Variants in PDE7B observed in about 807,000 individuals in gnomAD.
The protein encoded by PDE7B is 3',5'-cyclic-AMP phosphodiesterase 7B.
PDE7B carries 29 observed loss-of-function variants against 56.2 expected under a neutral mutation model. The ratio of observed to expected loss-of-function variants is 0.52; its 90% confidence interval spans 0.38 to 0.70. The LOEUF is 0.70. Among genes scored for constraint, PDE7B ranks in the 30% least tolerant of loss-of-function variants. The pLI, the probability that PDE7B is intolerant of heterozygous loss-of-function variation, is 0.00. For synonymous variants in PDE7B, 197 were observed against 196.9 expected (o/e 1.00, Z 0.00); for missense variants, 490 against 565.0 (o/e 0.87, Z 1.35).
intron 2 of PDE7B, among the ~76,000 whole-genome samples, chr6:135,957,636 C>T (rs979919238): frequency 3.9e-5 from 6 of 152,068 alleles, no homozygotes; most frequent in African/African-American, 7.2e-5. Context: ...CTGCACATTC[C>T]GGGTAATAGG....
intron 2 of PDE7B, chr6:136,038,214 A>ACAGCAGCAGCAGCAACAGCAGCAG: frequency 3.1e-6 from 4 of 1,299,232 alleles, no homozygotes; most frequent in Non-Finnish European, 4.0e-6. Context: ...AGAAGCAGAA[A>ACAGCAGCAGCAGCAACAGCAGCAG]CAGCAGCAGC....
intron 2 of PDE7B, among the ~76,000 whole-genome samples, chr6:136,024,235 G>A (rs1414519860): frequency 6.6e-6 from 1 of 152,274 alleles, no homozygotes; most frequent in East Asian, 1.9e-4. Flanking sequence ...GAATTTTGCA[G>A]ATGAACTGAA....
intron 3 of PDE7B, chr6:136,112,674 C>T (rs563166539): frequency 1.3e-5 from 2 of 151,978 alleles, no homozygotes; most frequent in South Asian, 4.2e-4. Context: ...AATGGACTCA[C>T]ATTGACTAAA....
Position 135,897,287 on chromosome 6 carries a change from TGG to T in PDE7B, c.21+45270_21+45271del, listed in dbSNP as rs1554264733. On this transcript the variant is annotated intron_variant, in intron 1 of 12. Transcript: ENST00000308191. ...GGGTGTGTGTGTGTGTGTGTGTGTG[TGG>T]GTATGTGTGTAGGCGGAGGAAGGAG... is the stretch of plus-strand genomic sequence containing the variant. Among the ~76,000 whole-genome samples, 11 of 146,460 alleles carry T rather than the reference TGG, an allele frequency of 7.5e-5. No individual in the cohort carries two copies. The South Asian group carries it at 2.4e-3, about 32-fold the overall frequency.
chr6:136,141,697 G>A (rs892160290), intron 3 of PDE7B, among the ~76,000 whole-genome samples: 3 of 152,148 alleles, frequency 2.0e-5, no homozygotes, highest in Non-Finnish European at 4.4e-5. Flanking sequence ...AGTCTTGAGA[G>A]GGTGTATGTG....
intron 2 of PDE7B, among the ~76,000 whole-genome samples, chr6:136,055,274 G>T (rs1776710925): frequency 6.6e-6 from 1 of 152,206 alleles, no homozygotes; most frequent in African/African-American, 2.4e-5. Flanking sequence ...AGTGAGAAGG[G>T]CAGGGAGATG....
intron 2 of PDE7B, among the ~76,000 whole-genome samples, chr6:136,093,241 T>C (rs1291373361): frequency 6.6e-6 from 1 of 152,214 alleles, no homozygotes; most frequent in East Asian, 1.9e-4. Context: ...CAAATTAATA[T>C]ATGACCCAGT....
chr6:136,061,189 G>T (rs796835000), intron 2 of PDE7B, among the ~76,000 whole-genome samples: 1 of 151,962 alleles, frequency 6.6e-6, no homozygotes, highest in Non-Finnish European at 1.5e-5. Flanking sequence ...ATCATAAAAA[G>T]TTCTGCATGT....
At chr6:135,914,860 C>T (rs1048442657) in intron 1 of PDE7B, among the ~76,000 whole-genome samples, 5 of 150,350 alleles carry the variant, frequency 3.3e-5, no homozygotes, top group African/African-American at 4.9e-5. Flanking sequence ...TTTGGGAGGC[C>T]GAGGTGGGCA....
chr6:135,929,782 C>A (rs184420025), intron 1 of PDE7B, among the ~76,000 whole-genome samples: 36 of 152,242 alleles, frequency 2.4e-4, no homozygotes, highest in South Asian at 2.1e-3. Context: ...TTTGACAGAA[C>A]AGTGGAGGTT....
Position 136,162,766 on chromosome 6 carries a change from C to A in PDE7B, c.711+7008C>A, listed in dbSNP as rs377710867. ...GGTCACAGGCATTGGGTAAATACAC[C>A]CATTCCAAATGGGAGAAATTGGCCA... is the stretch of plus-strand genomic sequence containing the variant. On this transcript the variant is annotated intron_variant, in intron 8 of 12. Transcript: ENST00000308191. Among the ~76,000 whole-genome samples the A allele has an allele frequency of 2.0e-5, 3 of 152,254 alleles. No individual in the cohort carries two copies. In the East Asian group the frequency reaches 5.8e-4, roughly 29 times the overall value.
intron 1 of PDE7B, among the ~76,000 whole-genome samples, chr6:135,932,209 A>T (rs1774306600): frequency 6.6e-6 from 1 of 152,222 alleles, no homozygotes; most frequent in African/African-American, 2.4e-5. Context: ...ATATAAAAAA[A>T]TAGAAAGAAT....
At chr6:136,070,233 C>T (rs547506697) in intron 2 of PDE7B, 158 of 151,612 alleles carry the variant, frequency 1.0e-3, no homozygotes, top group Middle Eastern at 6.9e-3. Flanking sequence ...CCTTTTGATG[C>T]AACAACAGGA....
chr6:136,061,786 G>C (rs1776848038), intron 2 of PDE7B, among the ~76,000 whole-genome samples: 2 of 152,236 alleles, frequency 1.3e-5, no homozygotes, highest in African/African-American at 4.8e-5. Flanking sequence ...GACTAAGATA[G>C]TGCAAGTGGA....
At chr6:136,047,476 C>T (rs1776533254) in intron 2 of PDE7B, 1 of 152,106 alleles carries the variant, frequency 6.6e-6, no homozygotes, top group Non-Finnish European at 1.5e-5. Context: ...TTTCTTTGGC[C>T]CTCATCCCCT....
rs566064662 is a variant in PDE7B at position 136,056,573 on chromosome 6, C to T, written c.83-52158C>T. Among the ~76,000 whole-genome samples the T allele has an allele frequency of 9.0e-5, 11 of 122,384 alleles. No homozygotes were observed. The South Asian group carries it at 1.3e-3, about 14-fold the overall frequency. 80.3% of individuals were successfully genotyped at this position (122,384 alleles called of 152,430 possible). ...TTGACAAGAGTTTTGCCCTTGTTGC[C>T]CAGGCTGGAGTGCAATGGCGTGATC... is the stretch of plus-strand genomic sequence containing the variant. On this transcript the variant is annotated intron_variant, in intron 2 of 12. Transcript: ENST00000308191.
rs561330283 is a variant in PDE7B, at chr6:136,118,136, C to T, written c.166+9322C>T. 1.6e-4 allele frequency among the ~76,000 whole-genome samples: 24 copies of T among 152,298 alleles called. No homozygotes were observed. In the East Asian group the frequency reaches 4.4e-3, roughly 28 times the overall value. ...CAGTTGAGTTTTGGATGTCCCTTCT[C>T]TCTCTGCTGAGTACATCCCTCTCCA... On this transcript the variant is annotated intron_variant, in intron 3 of 12. Coordinates refer to ENST00000308191, the MANE Select transcript of PDE7B (RefSeq NM_018945.4).
chr6:136,108,659 A>G, intron 2 of PDE7B, 72 bp from the exon 3 acceptor site: 1 of 988,346 alleles, frequency 1.0e-6, no homozygotes, highest in Middle Eastern at 2.1e-4. Flanking sequence ...GGTTTCATTG[A>G]GGATTTACAG....
chr6:136,144,394 A>G (rs1354615411), intron 3 of PDE7B, among the ~76,000 whole-genome samples: 3 of 152,166 alleles, frequency 2.0e-5, no homozygotes, highest in Non-Finnish European at 4.4e-5. Context: ...TAAATATTTC[A>G]GCATGTATTT....
Sources: allele counts gnomAD v4.1 joint callset (sites outside exome capture counted in the v4.1 genomes callset), GRCh38; gene constraint gnomAD v4.1.1; transcripts MANE v1.5; gene names NCBI Gene and HGNC (gene_info 2026-07-23, HGNC 2026-07-21).